Variants in PFKFB3 observed in about 807,000 individuals in gnomAD.
PFKFB3 encodes the protein 6-phosphofructo-2-kinase/fructose-2,6-bisphosphatase 3.
In PFKFB3, 33 loss-of-function variants were observed where a neutral mutation model predicts 68.0. The ratio of observed to expected loss-of-function variants is 0.49; its 90% CI spans 0.37 to 0.65. The LOEUF (loss-of-function observed/expected upper bound fraction) is 0.65. Ranked by LOEUF, PFKFB3 falls within the 30% of genes least tolerant of loss-of-function variation. The pLI is 0.00. For missense variants in PFKFB3, 586 were observed against 712.2 expected (o/e 0.82, Z 2.02); for synonymous variants, 315 against 288.2 (o/e 1.09, Z -0.94).
At position 6,177,436 on chromosome 10, in the gene PFKFB3, T is replaced by TTCTCTCTC. The variant is rs372374322; in HGVS notation, c.16+32428_16+32429insCTCTCTCT. 1.6e-3 allele frequency among the ~76,000 whole-genome samples: 92 copies of TTCTCTCTC among 56,442 alleles called. 1 individual carries two copies. The Middle Eastern group carries it at 0.038, about 24-fold the overall frequency. 37.0% of individuals were successfully genotyped at this position (56,442 alleles called of 152,430 possible). On this transcript the variant is annotated intron_variant, in intron 1 of 14. Transcript: ENST00000379789. ...CTTTCTCTTTCTTCCTTTCTTTTCTTTCTCTTTCTTTCTTTCTTTCTTTCT... is the reference window on the plus strand; with the variant it reads ...CTTTCTCTTTCTTCCTTTCTTTTCTTTCTCTCTCTCTCTTTCTTTCTTTCTTTCTTTCT...
chr10:6,256,991 C>T (rs1846501322), downstream of PFKFB3, among the ~76,000 whole-genome samples: 1 of 152,228 alleles, frequency 6.6e-6, no homozygotes, highest in Non-Finnish European at 1.5e-5. Context: ...CTACTTAGAG[C>T]TCTTTCTTTT....
chr10:6,156,993 G>A (rs1841823709), intron 1 of PFKFB3, among the ~76,000 whole-genome samples: 1 of 151,426 alleles, frequency 6.6e-6, no homozygotes, highest in African/African-American at 2.4e-5. Flanking sequence ...TTGGGAGGCT[G>A]AGGCAGGAGA....
At chr10:6,184,477 T>C (rs959927903) in intron 1 of PFKFB3, among the ~76,000 whole-genome samples, 2 of 151,972 alleles carry the variant, frequency 1.3e-5, no homozygotes, top group Non-Finnish European at 2.9e-5. Context: ...TTTTTTTATT[T>C]TGTATTTTTT....
At chr10:6,164,997 A>G (rs1039928570) in intron 1 of PFKFB3, among the ~76,000 whole-genome samples, 1 of 148,088 alleles carries the variant, frequency 6.8e-6, no homozygotes, top group African/African-American at 2.4e-5. Context: ...CTCAACTGCA[A>G]AGAGGCCCCC....
the PFKFB3 span, among the ~76,000 whole-genome samples, chr10:6,271,634 C>T: frequency 6.6e-6 from 1 of 152,132 alleles, no homozygotes; most frequent in Non-Finnish European, 1.5e-5. Flanking sequence ...TGTTCAAGCC[C>T]CAAGCCTATG....
the PFKFB3 span, among the ~76,000 whole-genome samples, chr10:6,318,929 G>A: frequency 6.6e-6 from 1 of 152,146 alleles, no homozygotes; most frequent in African/African-American, 2.4e-5. Context: ...TCACCCTGGG[G>A]TCTGGTCCGA....
chr10:6,144,941 G>T, exon 1 of PFKFB3: 1 of 1,235,786 alleles, frequency 8.1e-7, no homozygotes, highest in Non-Finnish European at 1.0e-6. Flanking sequence ...GCTGCCGCTT[G>T]GACGTCGTCC....
At chr10:6,275,473 G>T in the PFKFB3 span, among the ~76,000 whole-genome samples, 17 of 152,222 alleles carry the variant, frequency 1.1e-4, no homozygotes, top group African/African-American at 4.1e-4. This position sits in a 1 kb window ranked among gnomAD's most constrained non-coding sequence, Gnocchi z 4.9. Context: ...GATGGAGTCA[G>T]GCCTCTGCCG....
intron 1 of PFKFB3, among the ~76,000 whole-genome samples, chr10:6,203,607 C>G (rs1843484462): frequency 6.6e-6 from 1 of 151,788 alleles, no homozygotes; most frequent in Non-Finnish European, 1.5e-5. Context: ...CGCGCCTGGG[C>G]AGGCCAGGGA....
downstream of PFKFB3, among the ~76,000 whole-genome samples, chr10:6,255,199 A>T (rs949212600): frequency 6.6e-6 from 1 of 151,134 alleles, no homozygotes; most frequent in African/African-American, 2.4e-5. Context: ...ATCTCAGCTC[A>T]CTGCAACCTC....
rs761887123 is a variant in PFKFB3 at position 6,203,317 on chromosome 10, C to G, written c.57C>G (p.His19Gln). The G allele has an allele frequency of 2.7e-5, 43 of 1,609,772 alleles. 1 individual carries two copies. In the South Asian group the frequency reaches 4.4e-4, roughly 17 times the overall value. The change falls in exon 1 of 15, where the codon CAC becomes CAG. Residue 19 changes from histidine (H) to glutamine (Q), a missense_variant. Transcript: ENST00000379775. ...AGAAGATCTGGGTGCCCGTGGACCA[C>G]AGGCCCTCGTTGCCCAGATGTGAGT... Reference protein sequence around the residue: ...RVQKIWVPVDHRPSLPRSCGP... With the variant: ...RVQKIWVPVDQRPSLPRSCGP...
the PFKFB3 span, among the ~76,000 whole-genome samples, chr10:6,312,069 G>A: frequency 6.6e-5 from 10 of 152,322 alleles, no homozygotes; most frequent in African/African-American, 2.4e-4. Context: ...CCAAGTAGCA[G>A]GTTACAGGAA....
chr10:6,288,347 TC>T, the PFKFB3 span, among the ~76,000 whole-genome samples: 1 of 90,460 alleles, frequency 1.1e-5, no homozygotes, highest in African/African-American at 4.3e-5. Flanking sequence ...ATGCTATCCC[TC>T]CCCCCTCCCC....
At chr10:6,314,346 C>T in the PFKFB3 span, among the ~76,000 whole-genome samples, 2 of 152,048 alleles carry the variant, frequency 1.3e-5, no homozygotes, top group Non-Finnish European at 2.9e-5. Flanking sequence ...TTCAAAATGC[C>T]CATAATCCCA....
rs1323317659 is a variant in PFKFB3, at chr10:6,153,469, G to T, written c.16+8456G>T. 2.0e-5 allele frequency among the ~76,000 whole-genome samples: 3 copies of T among 152,168 alleles called. No individual in the cohort carries two copies. In the East Asian group the frequency reaches 5.8e-4, roughly 29 times the overall value. ...GGTAGATGCTTTGAGTGGCTGGTAG[G>T]AGGTCATGGTGACCTCCCTGGGTTG... On this transcript the variant is annotated intron_variant, in intron 1 of 14. Transcript: ENST00000379789.
At chr10:6,199,680 T>TTG (rs1843272176), upstream of PFKFB3, among the ~76,000 whole-genome samples, 4 of 143,410 alleles carry the variant, frequency 2.8e-5, no homozygotes, top group Non-Finnish European at 4.5e-5. Context: ...TTTTTTTTTT[T>TTG]TTTGCAGAGA....
At chr10:6,243,022 C>T (rs1846174091) in intron 14 of PFKFB3, among the ~76,000 whole-genome samples, 1 of 152,170 alleles carries the variant, frequency 6.6e-6, no homozygotes, top group South Asian at 2.1e-4. Context: ...CAAGTATCTG[C>T]TGAATGCCTG....
chr10:6,246,617 C>T (rs1846267368), intron 14 of PFKFB3, among the ~76,000 whole-genome samples: 1 of 152,098 alleles, frequency 6.6e-6, no homozygotes, highest in Admixed American at 6.6e-5. Context: ...GCTGAGATTA[C>T]AGGCAAGAGC....
the PFKFB3 span, among the ~76,000 whole-genome samples, chr10:6,314,040 C>A: frequency 6.6e-6 from 1 of 152,192 alleles, no homozygotes. Context: ...AACTGTGCAG[C>A]GTCCCTTGAC....
Sources: allele counts gnomAD v4.1 joint callset (sites outside exome capture counted in the v4.1 genomes callset), GRCh38; gene constraint gnomAD v4.1.1; non-coding constraint Gnocchi (gnomAD v3.1); transcripts MANE v1.5; gene names NCBI Gene and HGNC (gene_info 2026-07-23, HGNC 2026-07-21).